CLDN12: variants seen among roughly 807,000 people sequenced by gnomAD.
The protein encoded by CLDN12 is claudin 12.
Under a neutral mutation model 15.5 loss-of-function variants are expected in CLDN12, and 9 were observed. The observed-to-expected ratio is 0.58, with a 90% CI of 0.35 to 1.02. The LOEUF (loss-of-function observed/expected upper bound fraction) is 1.02. Ranked by LOEUF, CLDN12 falls within the 50% of genes least tolerant of loss-of-function variation. The probability of loss-of-function intolerance (pLI) is 0.02; values close to 1 mark genes in which losing one functional copy is unlikely to be tolerated. For missense variants in CLDN12, 233 were observed against 297.3 expected (o/e 0.78, Z 1.59); for synonymous variants, 140 against 121.6 (o/e 1.15, Z -1.00).
rs17865130 is a variant in CLDN12, at chr7:90,413,788, A to T, written c.*377A>T. On this transcript the variant is annotated 3_prime_UTR_variant, in exon 4 of 4. Transcript: ENST00000496677. ...CAGTGTGTATTTTTCTTTTTCTATA[A>T]TACCTTTAACTGCAAAGAAAAGGCA... 1.1e-3 allele frequency: 1,086 copies of T among 1,013,586 alleles called. 5 individuals carry two copies. The African/African-American group carries it at 0.013, about 12-fold the overall frequency. The allele number at this position is 1,013,586 out of a possible 1,614,324, so 62.8% of individuals were successfully genotyped here.
intron 2 of CLDN12, among the ~76,000 whole-genome samples, chr7:90,406,566 C>T (rs1353077182): frequency 1.3e-5 from 2 of 152,190 alleles, no homozygotes; most frequent in East Asian, 3.9e-4. Context: ...ATAATCATTA[C>T]TGACTTACAT....
At chr7:90,412,429 G>A (rs1451636834) in intron 3 of CLDN12, 1 of 452,806 alleles carries the variant, frequency 2.2e-6, no homozygotes, top group African/African-American at 2.0e-5. Flanking sequence ...CTATGACCCA[G>A]TCAGTAATAA....
Position 90,413,354 on chromosome 7 carries a change from A to G in CLDN12, c.678A>G (p.Ala226=), listed in dbSNP as rs759400199. Residue 226 remains alanine (A), a synonymous_variant, in exon 4 of 4, where the codon GCA becomes GCG. Transcript: ENST00000496677. The part of the protein sequence containing the change: ...SMHTYSQPYS[A]RSRLSAIEID... Reference sequence around the variant, plus strand: ...ATACTTACTCACAGCCCTATTCAGCACGCTCTCGCCTCTCTGCCATTGAAA... The same window carrying G: ...ATACTTACTCACAGCCCTATTCAGCGCGCTCTCGCCTCTCTGCCATTGAAA... 6.2e-7 allele frequency: 1 copy of G among 1,614,154 alleles called. No individual in the cohort carries two copies. Among genetic ancestry groups the G allele is most frequent in the East Asian group, 2.2e-5 (1 of 44,878 alleles).
chr7:90,408,868 G>A (rs1399475774), intron 2 of CLDN12: 1 of 152,106 alleles, frequency 6.6e-6, no homozygotes, highest in Non-Finnish European at 1.5e-5. Context: ...CTTCATTAAT[G>A]TCATTTGATA....
intron 1 of CLDN12, among the ~76,000 whole-genome samples, chr7:90,404,354 A>G (rs1796792992): frequency 6.6e-6 from 1 of 152,150 alleles, no homozygotes; most frequent in Non-Finnish European, 1.5e-5. Flanking sequence ...AATGATCGTA[A>G]TAGGGCTAGT....
Position 90,412,796 on chromosome 7 carries a change from A to G in CLDN12, c.120A>G (p.Thr40=). The G allele has an allele frequency of 1.9e-6, 3 of 1,614,224 alleles. No individual in the cohort carries two copies. The highest frequency in any genetic ancestry group is 2.5e-6 in the Non-Finnish European group (3 of 1,180,036). The change falls in exon 4 of 4, where the codon ACA becomes ACG. Residue 40 remains threonine, a synonymous_variant. Transcript: ENST00000496677. ...ACTGGAGAAAATTACGATTGATCAC[A>G]TTCAACAGAAACGAGAAGAACCTGA... ...LPNWRKLRLI[T]FNRNEKNLTV...
At chr7:90,404,172 T>G (rs1796789399) in intron 1 of CLDN12, among the ~76,000 whole-genome samples, 1 of 151,802 alleles carries the variant, frequency 6.6e-6, no homozygotes, top group Non-Finnish European at 1.5e-5. Flanking sequence ...TCACTTAAAA[T>G]GATTGCTCAA....
chr7:90,408,370 G>A (rs1395937484), intron 2 of CLDN12, among the ~76,000 whole-genome samples: 2 of 152,062 alleles, frequency 1.3e-5, no homozygotes, highest in Non-Finnish European at 1.5e-5. Context: ...TGGCATGGTG[G>A]CATGCACCTG....
rs995272217 is a variant in CLDN12, at chr7:90,414,786, T to C, written c.*1375T>C. 6.0e-6 allele frequency: 1 copy of C among 167,036 alleles called. No homozygotes were observed. The highest frequency in any genetic ancestry group is 1.5e-5 in the Non-Finnish European group (1 of 68,114). 10.3% of individuals were successfully genotyped at this position (167,036 alleles called of 1,614,324 possible). ...GTAGGGAAATTGTTCCCTCTCCACTTCTGAAAGTATGATGATGTATTAAGG... is the reference window on the plus strand; with the variant it reads ...GTAGGGAAATTGTTCCCTCTCCACTCCTGAAAGTATGATGATGTATTAAGG... On this transcript the variant is annotated 3_prime_UTR_variant, in exon 4 of 4. Coordinates refer to ENST00000496677, the MANE Select transcript of CLDN12 (RefSeq NM_001185072.3).
intron 2 of CLDN12, among the ~76,000 whole-genome samples, chr7:90,411,488 C>A (rs768097061): frequency 1.3e-5 from 2 of 152,070 alleles, no homozygotes; most frequent in Non-Finnish European, 2.9e-5. Context: ...AAAGGCCTGG[C>A]GACTGTTTTT....
Position 90,405,508 on chromosome 7 carries a change from T to A in CLDN12, c.-166-11T>A, listed in dbSNP as rs1796816894. ...CTATGTTAATTTGGAGTATTTTTCC[T>A]ATTTCTTTAGGCTCAGATTATTGCT... On this transcript the variant is annotated splice_polypyrimidine_tract_variant and intron_variant, in intron 1 of 3. Transcript: ENST00000496677. 6.6e-6 allele frequency: 1 copy of A among 152,260 alleles called. No homozygotes were observed. The highest frequency in any genetic ancestry group is 1.5e-5 in the Non-Finnish European group (1 of 68,048). The allele number at this position is 152,260 out of a possible 1,614,324, so 9.4% of individuals were successfully genotyped here. A position where few individuals can be genotyped will look rare whatever the true frequency, so the allele number is the denominator to read the frequency against.
intron 2 of CLDN12, among the ~76,000 whole-genome samples, chr7:90,410,519 T>A (rs1205407505): frequency 6.6e-6 from 1 of 152,222 alleles, no homozygotes; most frequent in South Asian, 2.1e-4. Context: ...CATAGGCATT[T>A]TTTTGGTTAG....
Position 90,414,353 on chromosome 7 carries a change from T to C in CLDN12, c.*942T>C. 8 of 1,000,288 alleles carry C rather than the reference T, an allele frequency of 8.0e-6. No homozygotes were observed. Among genetic ancestry groups the C allele is most frequent in the Non-Finnish European group, 9.6e-6 (8 of 830,004 alleles). The allele number at this position is 1,000,288 out of a possible 1,614,324, so 62.0% of individuals were successfully genotyped here. On this transcript the variant is annotated 3_prime_UTR_variant, in exon 4 of 4. Transcript: ENST00000496677. ...GTTATGGGTGAAGTAAGGTATGGCTTTACCATAACCTTGATTCATTCACCC... is the reference window on the plus strand; with the variant it reads ...GTTATGGGTGAAGTAAGGTATGGCTCTACCATAACCTTGATTCATTCACCC...
Position 90,413,673 on chromosome 7 carries a change from AG to A in CLDN12, c.*264del. 1.6e-6 allele frequency: 2 copies of A among 1,222,482 alleles called. No individual in the cohort carries two copies. The highest frequency in any genetic ancestry group is 2.1e-6 in the Non-Finnish European group (2 of 971,896). 75.7% of individuals were successfully genotyped at this position (1,222,482 alleles called of 1,614,324 possible). ...ATCTAATTAATTATTTAAGTGGAAG[AG>A]GCCTGCATCACAATTGAGGTAATGT... On this transcript the variant is annotated 3_prime_UTR_variant, in exon 4 of 4. Coordinates refer to ENST00000496677, the MANE Select transcript of CLDN12 (RefSeq NM_001185072.3).
At chr7:90,409,830 T>C (rs1297216272) in intron 2 of CLDN12, among the ~76,000 whole-genome samples, 1 of 152,228 alleles carries the variant, frequency 6.6e-6, no homozygotes, top group Non-Finnish European at 1.5e-5. Flanking sequence ...CACAAGTCTC[T>C]ATAAACACAT....
chr7:90,413,210 T>C lies in CLDN12; in HGVS notation c.534T>C (p.Thr178=). 1.2e-6 allele frequency: 2 copies of C among 1,614,188 alleles called. No individual in the cohort carries two copies. Among genetic ancestry groups the C allele is most frequent in the Non-Finnish European group, 1.7e-6 (2 of 1,179,990 alleles). Residue 178 remains threonine, a synonymous_variant, in exon 4 of 4, where the codon ACT becomes ACC. Coordinates refer to ENST00000496677, the MANE Select transcript of CLDN12 (RefSeq NM_001185072.3). ...VFSFDYAVYV[T]IASAGGLFMT... ...CATTTGACTATGCAGTGTATGTCAC[T>C]ATTGCTAGTGCTGGGGGCCTGTTTA...
chr7:90,412,684 G>C lies in CLDN12; in HGVS notation c.8G>C (p.Cys3Ser). The C allele has an allele frequency of 6.2e-7, 1 of 1,612,086 alleles. No homozygotes were observed. Among genetic ancestry groups the C allele is most frequent in the Non-Finnish European group, 8.5e-7 (1 of 1,178,998 alleles). MG[C>S]RDVHAATVLS... ...TCCACAAGCTTGCCTGCCATGGGCT[G>C]TCGGGATGTCCACGCAGCCACAGTC... The change falls in exon 4 of 4, where the codon TGT (cysteine) becomes TCT (serine). Residue 3 changes from cysteine (C) to serine (S), a missense_variant. Physicochemically the swap from Cys to Ser is moderately radical, Grantham distance 112. Coordinates refer to ENST00000496677, the MANE Select transcript of CLDN12 (RefSeq NM_001185072.3).
intron 2 of CLDN12, 92 bp downstream of exon 2, chr7:90,405,700 A>G (rs1796822035): frequency 1.3e-5 from 2 of 152,316 alleles, no homozygotes; most frequent in South Asian, 4.1e-4. Flanking sequence ...GTTCAACAAA[A>G]TAGAGGTATA....
Position 90,413,402 on chromosome 7 carries a change from C to T in CLDN12, c.726C>T (p.His242=), listed in dbSNP as rs752018635. 6.2e-7 allele frequency: 1 copy of T among 1,613,100 alleles called. No homozygotes were observed. Among genetic ancestry groups the T allele is most frequent in the South Asian group, 1.1e-5 (1 of 90,948 alleles). ...AIEIDIPVVS[H]TT is the part of the protein sequence containing the mutation. Reference sequence around the variant, plus strand: ...AAATTGACATTCCAGTAGTTTCACACACCACTTAATGGGGAAATAGTTAAT... The same window carrying T: ...AAATTGACATTCCAGTAGTTTCACATACCACTTAATGGGGAAATAGTTAAT... Residue 242 remains histidine (H), a synonymous_variant, in exon 4 of 4, where the codon CAC becomes CAT. Coordinates refer to ENST00000496677, the MANE Select transcript of CLDN12 (RefSeq NM_001185072.3).
Sources: allele counts gnomAD v4.1 joint callset (sites outside exome capture counted in the v4.1 genomes callset), GRCh38; gene constraint gnomAD v4.1.1; transcripts MANE v1.5; gene names NCBI Gene and HGNC (gene_info 2026-07-23, HGNC 2026-07-21).